KCNAB1: variants seen among roughly 807,000 people sequenced by gnomAD.
KCNAB1 encodes the protein potassium voltage-gated channel subfamily A regulatory beta subunit 1.
A neutral mutation model predicts 64.6 loss-of-function variants in KCNAB1; 35 were observed. That is an observed-to-expected ratio of 0.54 (90% CI 0.41 to 0.72). The LOEUF is 0.72. Among genes scored for constraint, KCNAB1 ranks in the 30% least tolerant of loss-of-function variants. The pLI is 0.00. For synonymous variants in KCNAB1, 177 were observed against 183.8 expected (o/e 0.96, Z 0.30); for missense variants, 401 against 512.9 (o/e 0.78, Z 2.11).
intron 2 of KCNAB1, chr3:156,441,025 T>C (rs1716955132): frequency 6.6e-6 from 1 of 152,214 alleles, no homozygotes; most frequent in Admixed American, 6.5e-5. Flanking sequence ...TTATTAATGA[T>C]ATTCAATACT....
chr3:156,246,099 C>T (rs926390271), intron 1 of KCNAB1, among the ~76,000 whole-genome samples: 6 of 152,108 alleles, frequency 3.9e-5, no homozygotes, highest in African/African-American at 1.2e-4. Context: ...AATAGAGAGG[C>T]GATGGAGATC....
At chr3:156,448,484 A>T (rs1191241425) in intron 2 of KCNAB1, among the ~76,000 whole-genome samples, 1 of 152,178 alleles carries the variant, frequency 6.6e-6, no homozygotes, top group Non-Finnish European at 1.5e-5. Flanking sequence ...CTCCAGCAGG[A>T]GGGGATGTGT....
At chr3:156,330,674 T>C (rs958018821) in intron 1 of KCNAB1, among the ~76,000 whole-genome samples, 3 of 152,168 alleles carry the variant, frequency 2.0e-5, no homozygotes, top group African/African-American at 7.2e-5. Context: ...TCTTTCATCA[T>C]TTCCCTAAGG....
At chr3:156,290,410 A>G (rs1359565992) in intron 1 of KCNAB1, among the ~76,000 whole-genome samples, 1 of 152,234 alleles carries the variant, frequency 6.6e-6, no homozygotes, top group African/African-American at 2.4e-5. Flanking sequence ...GATTTTGCAG[A>G]AGCCATAATT....
In KCNAB1 at chr3:156,413,850, AG is replaced by A. The variant is rs1417504065; in HGVS notation, c.276-7765del. Among the ~76,000 whole-genome samples, 3 of 152,340 alleles carry A rather than the reference AG, an allele frequency of 2.0e-5. No homozygotes were observed. In the East Asian group the frequency reaches 5.8e-4, roughly 29 times the overall value. ...CACAATCCCTGGCCTCATGGATCTCAGTCTGGAAGGGGAAATAATCTCGTAC... is the reference window on the plus strand; with the variant it reads ...CACAATCCCTGGCCTCATGGATCTCATCTGGAAGGGGAAATAATCTCGTAC... On this transcript the variant is annotated intron_variant, in intron 1 of 13. Transcript: ENST00000490337.
chr3:156,422,760 G>A (rs948704503), intron 2 of KCNAB1, among the ~76,000 whole-genome samples: 3 of 152,220 alleles, frequency 2.0e-5, no homozygotes, highest in African/African-American at 7.2e-5. Context: ...GAGCACTAAG[G>A]GTGTGCTTAT....
intron 1 of KCNAB1, among the ~76,000 whole-genome samples, chr3:156,361,527 C>T (rs1213281883): frequency 6.6e-6 from 1 of 152,166 alleles, no homozygotes; most frequent in Non-Finnish European, 1.5e-5. Context: ...TCAGCCACTC[C>T]CCACTATCAT....
intron 1 of KCNAB1, among the ~76,000 whole-genome samples, chr3:156,270,907 G>A (rs1422636709): frequency 6.6e-6 from 1 of 152,136 alleles, no homozygotes; most frequent in Non-Finnish European, 1.5e-5. Flanking sequence ...TTTGTCTGGG[G>A]AAGTCTTTAT....
At chr3:156,357,634 C>A (rs1463639824) in intron 1 of KCNAB1, among the ~76,000 whole-genome samples, 2 of 151,960 alleles carry the variant, frequency 1.3e-5, no homozygotes, top group African/African-American at 2.4e-5. Context: ...TTTCTAGTAG[C>A]TGTATTTAAA....
At chr3:156,231,863 T>G (rs559292579) in intron 1 of KCNAB1, among the ~76,000 whole-genome samples, 1 of 152,264 alleles carries the variant, frequency 6.6e-6, no homozygotes, top group East Asian at 1.9e-4. Flanking sequence ...TTAAATGTAT[T>G]TGATTGATGT....
rs571903867 is a variant in KCNAB1, at chr3:156,154,758, C to T, written c.275+33872C>T. 2.0e-5 allele frequency among the ~76,000 whole-genome samples: 3 copies of T among 152,306 alleles called. No individual in the cohort carries two copies. In the East Asian group the frequency reaches 5.8e-4, roughly 29 times the overall value. On this transcript the variant is annotated intron_variant, in intron 1 of 13. Transcript: ENST00000490337. ...TGGCAAGACCCTGGCCCATTTGACT[C>T]AGCAAAGGTAGTCAGTGCTGCTGGG...
rs1190393205 is a variant in KCNAB1, at chr3:156,194,128, AG to A, written c.275+73243del. Among the ~76,000 whole-genome samples, 3 of 151,982 alleles carry A rather than the reference AG, an allele frequency of 2.0e-5. No homozygotes were observed. In the East Asian group the frequency reaches 5.8e-4, roughly 29 times the overall value. On this transcript the variant is annotated intron_variant, in intron 1 of 13. Transcript: ENST00000490337. ...GCTATTAGTTTTATGTTAAATATTA[AG>A]AAAAAATTTAATATTTACCTATAAC...
At chr3:156,165,705 G>C (rs1489306190) in intron 1 of KCNAB1, among the ~76,000 whole-genome samples, 1 of 152,146 alleles carries the variant, frequency 6.6e-6, no homozygotes, top group Non-Finnish European at 1.5e-5. Context: ...GTTATAGTTA[G>C]TGTTTTTATA....
intron 1 of KCNAB1, among the ~76,000 whole-genome samples, chr3:156,159,624 C>T (rs7627867): frequency 0.59 from 89,740 of 151,918 alleles, 27,318 homozygotes; most frequent in East Asian, 0.92. Flanking sequence ...TCTTCATACG[C>T]GAAGACTAAG....
chr3:156,421,314 C>G (rs1715450800), intron 1 of KCNAB1, among the ~76,000 whole-genome samples: 1 of 152,114 alleles, frequency 6.6e-6, no homozygotes, highest in African/African-American at 2.4e-5. Context: ...AACTCAGATT[C>G]TAGAAGGAGA....
chr3:156,511,101 T>C (rs1576958149), intron 8 of KCNAB1, among the ~76,000 whole-genome samples: 1 of 152,192 alleles, frequency 6.6e-6, no homozygotes, highest in East Asian at 1.9e-4. Context: ...TCCCCTTTAT[T>C]TTTTATTTTT....
chr3:156,420,373 T>C (rs141789620), intron 1 of KCNAB1, among the ~76,000 whole-genome samples: 2 of 152,354 alleles, frequency 1.3e-5, no homozygotes, highest in African/African-American at 4.8e-5. Flanking sequence ...CTCTTTGCAT[T>C]TTTATGCATT....
chr3:156,176,732 G>C, intron 1 of KCNAB1: 1 of 939,292 alleles, frequency 1.1e-6, no homozygotes, highest in Admixed American at 1.7e-5. Flanking sequence ...AGAGCAGCAT[G>C]ATTGGGGCTT....
Position 156,193,746 on chromosome 3 carries a change from A to G in KCNAB1, c.275+72860A>G, listed in dbSNP as rs968211251. Among the ~76,000 whole-genome samples the G allele has an allele frequency of 9.9e-5, 15 of 152,270 alleles. No individual in the cohort carries two copies. The South Asian group carries it at 2.5e-3, about 25-fold the overall frequency. On this transcript the variant is annotated intron_variant, in intron 1 of 13. Coordinates refer to ENST00000490337, the MANE Select transcript of KCNAB1 (RefSeq NM_172160.3). ...TCCCATGATCCAAACACCTCCTACC[A>G]GGTCCCTTCCTCGACATGTGGGGCT...
Sources: gnomAD v4.1 joint callset for allele counts (sites outside exome capture counted in the v4.1 genomes callset) on GRCh38, gnomAD v4.1.1 for gene constraint, MANE v1.5 for transcripts, NCBI Gene and HGNC (gene_info 2026-07-23, HGNC 2026-07-21) for gene names.